Variants in ENOX1 observed in about 807,000 individuals in gnomAD.
ENOX1 encodes the protein ecto-NOX disulfide-thiol exchanger 1.
ENOX1 carries 42 observed loss-of-function variants against 82.5 expected under a neutral mutation model. The observed-to-expected ratio is 0.51, with a 90% confidence interval of 0.40 to 0.66. The LOEUF (loss-of-function observed/expected upper bound fraction) is 0.66. Ranked by LOEUF, ENOX1 falls within the 30% of genes least tolerant of loss-of-function variation. The pLI, the probability that ENOX1 is intolerant of heterozygous loss-of-function variation, is 0.00. For synonymous variants in ENOX1, 271 were observed against 282.2 expected (o/e 0.96, Z 0.40); for missense variants, 608 against 811.6 (o/e 0.75, Z 3.05).
intron 2 of ENOX1, among the ~76,000 whole-genome samples, chr13:43,646,098 A>G (rs985090204): frequency 3.3e-5 from 5 of 152,222 alleles, no homozygotes; most frequent in Non-Finnish European, 7.3e-5. Flanking sequence ...TCCAACAGGT[A>G]TGAAGTAACC....
At chr13:43,300,238 T>C (rs2046497497) in intron 11 of ENOX1, among the ~76,000 whole-genome samples, 1 of 152,086 alleles carries the variant, frequency 6.6e-6, no homozygotes, top group Admixed American at 6.6e-5. Context: ...ACAGAATACA[T>C]CTCTTCTCTC....
chr13:43,296,348 G>A (rs1376741453), intron 12 of ENOX1, among the ~76,000 whole-genome samples: 2 of 152,316 alleles, frequency 1.3e-5, no homozygotes, highest in African/African-American at 2.4e-5. Context: ...AGAATGACAA[G>A]GGATGATGAA....
intron 3 of ENOX1, among the ~76,000 whole-genome samples, chr13:43,467,730 G>A (rs542770741): frequency 1.3e-4 from 20 of 151,978 alleles, no homozygotes; most frequent in Admixed American, 8.5e-4. Context: ...AGAAACTATT[G>A]CCTAATCCAA....
chr13:43,736,032 T>G (rs2089611806), intron 1 of ENOX1, among the ~76,000 whole-genome samples: 1 of 152,146 alleles, frequency 6.6e-6, no homozygotes, highest in Non-Finnish European at 1.5e-5. Flanking sequence ...CCATTTCCCT[T>G]CTTTCATTGA....
intron 5 of ENOX1, among the ~76,000 whole-genome samples, chr13:43,384,723 T>A (rs907134958): frequency 5.3e-5 from 8 of 152,200 alleles, no homozygotes; most frequent in African/African-American, 1.9e-4. Context: ...AACAGCACAC[T>A]GTCTTTGAAA....
intron 1 of ENOX1, among the ~76,000 whole-genome samples, chr13:43,711,707 C>T: frequency 6.6e-6 from 1 of 152,092 alleles, no homozygotes; most frequent in African/African-American, 2.4e-5. Flanking sequence ...TTTTTGGCTG[C>T]ATAAATGTCT....
intron 5 of ENOX1, among the ~76,000 whole-genome samples, chr13:43,374,226 A>G (rs1594206764): frequency 8.4e-6 from 1 of 119,638 alleles, no homozygotes; most frequent in African/African-American, 3.1e-5. Flanking sequence ...TTCCTTCTTA[A>G]TCTTTCTTTT....
At chr13:43,607,514 G>C (rs2082027909) in intron 2 of ENOX1, among the ~76,000 whole-genome samples, 1 of 152,188 alleles carries the variant, frequency 6.6e-6, no homozygotes, top group African/African-American at 2.4e-5. Context: ...AAAATGTTAA[G>C]TCTGGCCATA....
chr13:43,348,527 C>T (rs543548135), intron 8 of ENOX1, among the ~76,000 whole-genome samples: 4 of 152,210 alleles, frequency 2.6e-5, no homozygotes, highest in Non-Finnish European at 4.4e-5. Context: ...ATAGTAAATG[C>T]AAAATTGCAG....
intron 1 of ENOX1, among the ~76,000 whole-genome samples, chr13:43,686,592 T>A (rs1047946234): frequency 6.6e-6 from 1 of 152,194 alleles, no homozygotes; most frequent in African/African-American, 2.4e-5. Flanking sequence ...CTTAGCTAAG[T>A]GAGTCTTTGG....
At chr13:43,384,483 A>G (rs2052279399) in intron 5 of ENOX1, among the ~76,000 whole-genome samples, 1 of 152,206 alleles carries the variant, frequency 6.6e-6, no homozygotes, top group Non-Finnish European at 1.5e-5. Context: ...CCATAACCCC[A>G]TGAATTAGAT....
At chr13:43,265,917 A>G (rs2044344359) in intron 13 of ENOX1, among the ~76,000 whole-genome samples, 1 of 152,208 alleles carries the variant, frequency 6.6e-6, no homozygotes, top group Admixed American at 6.5e-5. Context: ...CTCCTTGAGA[A>G]TATATTTGAA....
At chr13:43,299,307 T>C (rs2046444125) in intron 11 of ENOX1, among the ~76,000 whole-genome samples, 1 of 152,116 alleles carries the variant, frequency 6.6e-6, no homozygotes, top group South Asian at 2.1e-4. Context: ...AAACAAATGG[T>C]ACCAAACAAA....
intron 1 of ENOX1, among the ~76,000 whole-genome samples, chr13:43,693,918 T>C (rs973234578): frequency 1.3e-5 from 2 of 152,180 alleles, no homozygotes; most frequent in Middle Eastern, 3.2e-3. Context: ...AAGTCCATCA[T>C]TTTAAAATAG....
At chr13:43,671,335 G>A (rs946783395) in intron 1 of ENOX1, among the ~76,000 whole-genome samples, 6 of 152,158 alleles carry the variant, frequency 3.9e-5, no homozygotes, top group Non-Finnish European at 8.8e-5. Flanking sequence ...GGTCAATATA[G>A]GGTGTTGGAT....
At chr13:43,389,925 G>C (rs770713083) in intron 5 of ENOX1, among the ~76,000 whole-genome samples, 1 of 152,098 alleles carries the variant, frequency 6.6e-6, no homozygotes, top group African/African-American at 2.4e-5. Flanking sequence ...CTTGACAGAG[G>C]GGGAGAAGGG....
intron 15 of ENOX1, among the ~76,000 whole-genome samples, 175 bp downstream of exon 15, chr13:43,236,461 C>A (rs751437326): frequency 1.3e-5 from 2 of 152,134 alleles, no homozygotes; most frequent in Admixed American, 6.5e-5. Context: ...GGCAAAACCC[C>A]CATTAGTTTG....
intron 3 of ENOX1, among the ~76,000 whole-genome samples, chr13:43,466,315 A>G (rs1285101468): frequency 6.6e-6 from 1 of 152,178 alleles, no homozygotes; most frequent in Non-Finnish European, 1.5e-5. Flanking sequence ...GAAATGAAAG[A>G]GAACTTCCCT....
In ENOX1 at chr13:43,265,386, T is replaced by G; in HGVS notation, c.1611+12A>C. 1 of 1,609,224 alleles carries G rather than the reference T, an allele frequency of 6.2e-7. No homozygotes were observed. Among genetic ancestry groups the G allele is most frequent in the Admixed American group, 1.7e-5 (1 of 59,518 alleles). ...AAGCAAGAAGAACAAATACCAGGTT[T>G]GTGGTACCTACATTTGAATCCTCAT... On this transcript the variant is annotated intron_variant, in intron 14 of 16. Coordinates refer to ENST00000690772, the MANE Select transcript of ENOX1 (RefSeq NM_001347969.2).
Sources: gnomAD v4.1 joint callset for allele counts (sites outside exome capture counted in the v4.1 genomes callset) on GRCh38, gnomAD v4.1.1 for gene constraint, MANE v1.5 for transcripts, NCBI Gene and HGNC (gene_info 2026-07-23, HGNC 2026-07-21) for gene names.